The following PIGV variants were observed in gnomAD, a reference collection of about 807,000 sequenced individuals.
The protein encoded by PIGV is phosphatidylinositol glycan anchor biosynthesis class V.
PIGV carries 27 observed loss-of-function variants against 39.2 expected under a neutral mutation model. That is an observed-to-expected ratio of 0.69 (90% CI 0.51 to 0.95). The LOEUF (loss-of-function observed/expected upper bound fraction) is 0.95, where lower values mean the gene tolerates loss of function less well. Among genes scored for constraint, PIGV ranks in the 40% least tolerant of loss-of-function variants. PIGV has a pLI of 0.00. For missense variants in PIGV, 523 were observed against 586.4 expected, an observed-to-expected ratio of 0.89 and a Z score of 1.12; for synonymous variants, 232 against 241.7, an observed-to-expected ratio of 0.96 and a Z score of 0.37.
intron 2 of PIGV, among the ~76,000 whole-genome samples, chr1:26,793,431 G>GACCT (rs943141848): frequency 6.6e-6 from 1 of 152,082 alleles, no homozygotes; most frequent in Admixed American, 6.6e-5. Flanking sequence ...CATCTTACTT[G>GACCT]ACCTACCAGC....
chr1:26,791,371 C>T (rs957798599), intron 2 of PIGV, among the ~76,000 whole-genome samples: 3 of 152,280 alleles, frequency 2.0e-5, no homozygotes, highest in South Asian at 2.1e-4. Flanking sequence ...CCTATTCCCC[C>T]GAGTGCCTGC....
At chr1:26,795,292 A>C in intron 3 of PIGV, 58 bp downstream of exon 3, 1 of 1,593,282 alleles carries the variant, frequency 6.3e-7, no homozygotes, top group Admixed American at 1.7e-5. Context: ...CCCTTGGCCA[A>C]GGACAGGGAA....
chr1:26,787,109 C>T (rs2124167852), upstream of PIGV, among the ~76,000 whole-genome samples: 1 of 152,318 alleles, frequency 6.6e-6, no homozygotes, highest in South Asian at 2.1e-4. Flanking sequence ...ACTGAAACCA[C>T]ATAAGGCTTT....
chr1:26,796,137 G>T (rs1367179653), intron 3 of PIGV, among the ~76,000 whole-genome samples: 1 of 150,894 alleles, frequency 6.6e-6, no homozygotes, highest in African/African-American at 2.4e-5. Flanking sequence ...TGGGATTACA[G>T]GCGTGAGCTA....
At chr1:26,794,041 C>A in intron 2 of PIGV, 72 bp from the exon 3 acceptor site, 1 of 1,451,224 alleles carries the variant, frequency 6.9e-7, no homozygotes, top group Non-Finnish European at 9.7e-7. Flanking sequence ...GGCCTTCTTC[C>A]TCATTTTATT....
At chr1:26,787,685 G>C (rs2081253211), upstream of PIGV, 1 of 152,322 alleles carries the variant, frequency 6.6e-6, no homozygotes. Flanking sequence ...GTGAACGTCA[G>C]CGGGAGCTGG....
intron 2 of PIGV, among the ~76,000 whole-genome samples, chr1:26,793,300 C>G (rs1053007793): frequency 1.3e-5 from 2 of 152,222 alleles, no homozygotes; most frequent in African/African-American, 4.8e-5. Flanking sequence ...TTTCTTTTCT[C>G]CCATTCTCTG....
At chr1:26,796,205 G>A (rs2081382688) in intron 3 of PIGV, among the ~76,000 whole-genome samples, 1 of 130,198 alleles carries the variant, frequency 7.7e-6, no homozygotes, top group African/African-American at 3.0e-5. Flanking sequence ...GTCTTGCTCT[G>A]TCACCCAGGC....
intron 3 of PIGV, among the ~76,000 whole-genome samples, 163 bp from the exon 4 acceptor site, chr1:26,797,400 T>C (rs1267835781): frequency 6.6e-6 from 1 of 152,246 alleles, no homozygotes. Flanking sequence ...CATACATCTT[T>C]CTAAGACAGA....
At chr1:26,795,517 C>T (rs967941666) in intron 3 of PIGV, among the ~76,000 whole-genome samples, 3 of 151,910 alleles carry the variant, frequency 2.0e-5, no homozygotes, top group South Asian at 2.1e-4. Context: ...TCAAGACCAG[C>T]GTGGCCAAGA....
chr1:26,796,181 T>C (rs1482454473), intron 3 of PIGV, among the ~76,000 whole-genome samples: 1 of 149,054 alleles, frequency 6.7e-6, no homozygotes, highest in Non-Finnish European at 1.5e-5. Context: ...TTTTTTTTTT[T>C]TTTTTGAGAC....
chr1:26,790,558 G>T (rs758921050), intron 1 of PIGV, among the ~76,000 whole-genome samples: 6 of 152,198 alleles, frequency 3.9e-5, no homozygotes, highest in Non-Finnish European at 2.9e-5. Flanking sequence ...TAGCTGTATG[G>T]AACTTTACCA....
chr1:26,796,305 A>T (rs1173222741), intron 3 of PIGV, among the ~76,000 whole-genome samples: 1 of 151,112 alleles, frequency 6.6e-6, no homozygotes, highest in Non-Finnish European at 1.5e-5. Context: ...AGTAGCTGGG[A>T]CTACAGGCAC....
intron 3 of PIGV, among the ~76,000 whole-genome samples, chr1:26,796,556 C>T (rs182800124): frequency 1.3e-5 from 2 of 152,164 alleles, no homozygotes; most frequent in Admixed American, 6.5e-5. Context: ...CATCATATTT[C>T]AGCTGGGTCC....
intron 2 of PIGV, among the ~76,000 whole-genome samples, chr1:26,793,115 C>T (rs1022563035): frequency 2.1e-4 from 32 of 152,158 alleles, no homozygotes; most frequent in Admixed American, 4.6e-4. Flanking sequence ...CCTTTGTACC[C>T]TTTTTGCCTA....
upstream of PIGV, chr1:26,787,448 T>C (rs2081250899): frequency 6.6e-6 from 1 of 152,102 alleles, no homozygotes; most frequent in African/African-American, 2.4e-5. Context: ...GAGGGGAAAA[T>C]CAGGGGGATC....
Position 26,797,605 on chromosome 1 carries a change from T to G in PIGV, c.1243T>G (p.Trp415Gly). ...GGGCTCCTCCACTCCTATTATGTAC[T>G]GGTTTCCAGCTCACTTGCTTCAGGA... ...FLGSSTPIMY[W>G]FPAHLLQDQE... Residue 415 changes from tryptophan to glycine, a missense_variant, in exon 4 of 4, where the codon TGG becomes GGG. Coordinates refer to ENST00000674202, the MANE Select transcript of PIGV (RefSeq NM_017837.4). 6.2e-7 allele frequency: 1 copy of G among 1,614,160 alleles called. No individual in the cohort carries two copies. The highest frequency in any genetic ancestry group is 8.5e-7 in the Non-Finnish European group (1 of 1,179,982).
chr1:26,791,314 G>T (rs2081306615), intron 2 of PIGV, among the ~76,000 whole-genome samples: 1 of 152,136 alleles, frequency 6.6e-6, no homozygotes, highest in African/African-American at 2.4e-5. Context: ...TGGGAGAAAC[G>T]TGGCAATGTG....
Position 26,794,554 on chromosome 1 carries a change from G to A in PIGV, c.520G>A (p.Ala174Thr). 1 of 1,614,218 alleles carries A rather than the reference G, an allele frequency of 6.2e-7. No individual in the cohort carries two copies. The highest frequency in any genetic ancestry group is 8.5e-7 in the Non-Finnish European group (1 of 1,180,034). Residue 174 changes from alanine to threonine, a missense_variant, in exon 3 of 4, where the codon GCC becomes ACC. Ala to Thr is a moderately conservative substitution (Grantham distance 58). Transcript: ENST00000674202. ...LAAGYSEALFALLTFSAMGQL... is the reference protein window; with the variant it reads ...LAAGYSEALFTLLTFSAMGQL... ...AGCTGGTTACTCAGAAGCTTTGTTT[G>A]CCCTCCTGACATTCAGTGCCATGGG...
Sources: allele counts gnomAD v4.1 joint callset (sites outside exome capture counted in the v4.1 genomes callset), GRCh38; gene constraint gnomAD v4.1.1; transcripts MANE v1.5; gene names NCBI Gene and HGNC (gene_info 2026-07-23, HGNC 2026-07-21).